The following OR1C1 variants were observed in gnomAD, a reference collection of about 807,000 sequenced individuals.
The protein encoded by OR1C1 is olfactory receptor 1C1.
For synonymous variants in OR1C1, 153 were observed against 154.6 expected (o/e 0.99, Z 0.08); for missense variants, 407 against 384.3 (o/e 1.06, Z -0.49).
chr1:247,758,161 T>C lies in OR1C1; in HGVS notation c.246A>G (p.Val82=). Residue 82 remains valine, a synonymous_variant, in exon 2 of 2, where the codon GTA becomes GTG. Coordinates refer to ENST00000641256, the MANE Select transcript of OR1C1 (RefSeq NM_012353.3). Reference sequence around the variant, plus strand: ...TCTTGGTGCCAGTCAAGATATTCACTACCATTTGGGGGACTGTAGTCGACG... The same window carrying C: ...TCTTGGTGCCAGTCAAGATATTCACCACCATTTGGGGGACTGTAGTCGACG... ...CFTSTTVPQM[V]VNILTGTKTI... is the part of the protein sequence containing the mutation. 1 of 1,614,122 alleles carries C rather than the reference T, an allele frequency of 6.2e-7. No homozygotes were observed.
chr1:247,758,630 C>G (rs1299429008), intron 1 of OR1C1: 2 of 454,932 alleles, frequency 4.4e-6, no homozygotes, highest in Non-Finnish European at 7.8e-6. Flanking sequence ...CTGGACATGT[C>G]AGTATCAACT....
At chr1:247,758,727 C>CA (rs1277967395) in intron 1 of OR1C1, 1 of 227,752 alleles carries the variant, frequency 4.4e-6, no homozygotes, top group Non-Finnish European at 8.7e-6. Context: ...GCCTTGCCTA[C>CA]AGTAACCACA....
rs1661263800 is a variant in OR1C1, at chr1:247,758,270, A to G, written c.137T>C (p.Ile46Thr). The G allele has an allele frequency of 1.2e-6, 2 of 1,614,056 alleles. No individual in the cohort carries two copies. The highest frequency in any genetic ancestry group is 1.7e-6 in the Non-Finnish European group (2 of 1,179,990). Residue 46 changes from isoleucine (I) to threonine (T), a missense_variant, in exon 2 of 2, where the codon ATT (isoleucine) becomes ACT (threonine). Ile to Thr is a moderately conservative substitution (Grantham distance 89, BLOSUM62 -1). Coordinates refer to ENST00000641256, the MANE Select transcript of OR1C1 (RefSeq NM_012353.3). ...GTGAGAGTCAAAGCCAATCGTCGCA[A>G]TGATGAGCATGTTCCCCAAGGTGGT... ...LATTLGNMLIIATIGFDSHLH... is the reference protein window; with the variant it reads ...LATTLGNMLITATIGFDSHLH...
rs1661256071 is a variant in OR1C1 at position 247,758,055 on chromosome 1, TCA to T, written c.350_351del (p.Val117AspfsTer4). Reference protein sequence around the residue: ...FVNMDSLLLCVMAYDRYVAIC... With the variant: ...FVNMDSLLLCXMAYDRYVAIC... ...ATCGCCACATATCTATCATACGCCA[TCA>T]CACACAGAAGGAGGCTGTCCATATT... On this transcript the variant is annotated frameshift_variant, in exon 2 of 2. Coordinates refer to ENST00000641256, the MANE Select transcript of OR1C1 (RefSeq NM_012353.3). LOFTEE classifies it low-confidence loss of function (END_TRUNC). 6.2e-7 allele frequency: 1 copy of T among 1,613,886 alleles called. No homozygotes were observed. The highest frequency in any genetic ancestry group is 1.7e-5 in the Admixed American group (1 of 59,966).
chr1:247,760,385 C>T (rs1661309989), intron 1 of OR1C1, 27 bp downstream of exon 1: 1 of 152,012 alleles, frequency 6.6e-6, no homozygotes, highest in Admixed American at 6.5e-5. Context: ...TTCACTAAAA[C>T]AAAGAAAAAA....
rs557312492 is a variant in OR1C1 at position 247,757,351 on chromosome 1, A to G, written c.*111T>C. The stretch of plus-strand genomic sequence containing the variant: ...TAAAGTGCTTAACACGATTTCCAGC[A>G]TAAGGGAGACATTTAATAGCAGTTG... On this transcript the variant is annotated 3_prime_UTR_variant, in exon 2 of 2. Coordinates refer to ENST00000641256, the MANE Select transcript of OR1C1 (RefSeq NM_012353.3). The G allele has an allele frequency of 5.2e-6, 4 of 775,246 alleles. No homozygotes were observed. The highest frequency in any genetic ancestry group is 3.4e-5 in the African/African-American group (2 of 58,154). The allele number at this position is 775,246 out of a possible 1,614,324, so 48.0% of individuals were successfully genotyped here.
chr1:247,759,957 T>A (rs1661299882), intron 1 of OR1C1, among the ~76,000 whole-genome samples: 1 of 152,234 alleles, frequency 6.6e-6, no homozygotes, highest in Non-Finnish European at 1.5e-5. Flanking sequence ...ATCATTTTTA[T>A]TAATCTCATA....
intron 1 of OR1C1, among the ~76,000 whole-genome samples, chr1:247,759,965 A>G (rs1018848496): frequency 6.6e-6 from 1 of 152,172 alleles, no homozygotes. Context: ...TATTAATCTC[A>G]TACTCACTAT....
At position 247,755,810 on chromosome 1, in the gene OR1C1, A is replaced by C. The variant is rs765765838; in HGVS notation, c.*1652T>G. ...ATCCAGCAATCACTATTGGGTATAC[A>C]TCCAAGAGAAATGAAATCAGTATGT... On this transcript the variant is annotated 3_prime_UTR_variant, in exon 2 of 2. Coordinates refer to ENST00000641256, the MANE Select transcript of OR1C1 (RefSeq NM_012353.3). 1.3e-5 allele frequency: 2 copies of C among 152,226 alleles called. No individual in the cohort carries two copies. The highest frequency in any genetic ancestry group is 2.9e-5 in the Non-Finnish European group (2 of 68,028). 9.4% of individuals were successfully genotyped at this position (152,226 alleles called of 1,614,324 possible). A position where few individuals can be genotyped will look rare whatever the true frequency, so the allele number is the denominator to read the frequency against.
In OR1C1 at chr1:247,757,646, G is replaced by A; in HGVS notation, c.761C>T (p.Thr254Ile). Reference protein sequence around the residue: ...HLSVVVLFYGTAIAVYFSPSS... With the variant: ...HLSVVVLFYGIAIAVYFSPSS... ...AGGGCTGAAATAGACGGCGATGGCT[G>A]TGCCGTAAAACAACACCACCACTGA... The change falls in exon 2 of 2, where the codon ACA becomes ATA. Residue 254 changes from threonine (T) to isoleucine (I), a missense_variant. Coordinates refer to ENST00000641256, the MANE Select transcript of OR1C1 (RefSeq NM_012353.3). 1 of 1,614,088 alleles carries A rather than the reference G, an allele frequency of 6.2e-7. No homozygotes were observed. The highest frequency in any genetic ancestry group is 8.5e-7 in the Non-Finnish European group (1 of 1,180,010).
Position 247,757,954 on chromosome 1 carries a change from A to G in OR1C1, c.453T>C (p.Val151=). The part of the protein sequence containing the change: ...CVQLVAGLWL[V]TYLHALLHTV... ...TATGCAGGAGGGCGTGGAGGTAAGT[A>G]ACAAGCCACAGTCCAGCCACTAGCT... The change falls in exon 2 of 2, where the codon GTT becomes GTC. Residue 151 remains valine (V), a synonymous_variant. Coordinates refer to ENST00000641256, the MANE Select transcript of OR1C1 (RefSeq NM_012353.3). 1.9e-6 allele frequency: 3 copies of G among 1,614,072 alleles called. No individual in the cohort carries two copies. Among genetic ancestry groups the G allele is most frequent in the African/African-American group, 2.7e-5 (2 of 75,050 alleles).
intron 1 of OR1C1, chr1:247,758,683 A>G (rs1558318384): frequency 6.1e-6 from 2 of 329,894 alleles, no homozygotes; most frequent in East Asian, 1.0e-4. Flanking sequence ...AATGCAAATT[A>G]TGTGAATAAT....
Position 247,755,072 on chromosome 1 carries a change from T to C in OR1C1, c.*2390A>G, listed in dbSNP as rs1661186429. On this transcript the variant is annotated 3_prime_UTR_variant, in exon 2 of 2. Transcript: ENST00000641256. ...GGGACACACAATATGGAATGGACCA[T>C]CTCTTCAATAAGTGGTTTTAGAACA... 6.6e-6 allele frequency: 1 copy of C among 152,158 alleles called. No individual in the cohort carries two copies. Among genetic ancestry groups the C allele is most frequent in the Non-Finnish European group, 1.5e-5 (1 of 68,010 alleles). 9.4% of individuals were successfully genotyped at this position (152,158 alleles called of 1,614,324 possible).
At chr1:247,760,232 T>A (rs1442061304) in intron 1 of OR1C1, among the ~76,000 whole-genome samples, 180 bp downstream of exon 1, 1 of 152,198 alleles carries the variant, frequency 6.6e-6, no homozygotes, top group Non-Finnish European at 1.5e-5. Context: ...TAATTCTATA[T>A]TCTCATTTGC....
Position 247,757,458 on chromosome 1 carries a change from G to T in OR1C1, c.*4C>A, listed in dbSNP as rs780462743. On this transcript the variant is annotated 3_prime_UTR_variant, in exon 2 of 2. Coordinates refer to ENST00000641256, the MANE Select transcript of OR1C1 (RefSeq NM_012353.3). ...AGTATTATTTAATTCAGTCACTGAG[G>T]TCATTATTGCTGCTGAAAGACTGTG... The T allele has an allele frequency of 1.6e-5, 26 of 1,603,200 alleles. No individual in the cohort carries two copies. Among genetic ancestry groups the T allele is most frequent in the Non-Finnish European group, 2.0e-5 (24 of 1,171,698 alleles).
At chr1:247,758,500 G>GTT in intron 1 of OR1C1, 81 bp from the exon 2 acceptor site, 3 of 692,754 alleles carry the variant, frequency 4.3e-6, no homozygotes, top group South Asian at 3.7e-5. Flanking sequence ...GTGTGTGTGT[G>GTT]TGTGTGTGTG....
At chr1:247,758,489 T>C (rs1661269942) in intron 1 of OR1C1, 70 bp from the exon 2 acceptor site, 1 of 408,808 alleles carries the variant, frequency 2.4e-6, no homozygotes, top group African/African-American at 2.4e-5. Flanking sequence ...AGAGAGACAG[T>C]GTGTGTGTGT....
At chr1:247,759,973 T>C (rs1661300231) in intron 1 of OR1C1, among the ~76,000 whole-genome samples, 1 of 152,212 alleles carries the variant, frequency 6.6e-6, no homozygotes, top group African/African-American at 2.4e-5. Context: ...TCATACTCAC[T>C]ATACAATATT....
Position 247,758,117 on chromosome 1 carries a change from C to A in OR1C1, c.290G>T (p.Cys97Phe). The A allele has an allele frequency of 1.2e-6, 2 of 1,614,060 alleles. No homozygotes were observed. Among genetic ancestry groups the A allele is most frequent in the Non-Finnish European group, 1.7e-6 (2 of 1,180,008 alleles). ...TGTKTISFAG[C>F]LTQLFFFVSF... ...AACGAAGAAGAAGAGCTGGGTGAGG[C>A]AGCCTGCAAAAGAGATAGTCTTGGT... is the stretch of plus-strand genomic sequence containing the variant. Residue 97 changes from cysteine (C) to phenylalanine (F), a missense_variant, in exon 2 of 2, where the codon TGC (cysteine) becomes TTC (phenylalanine). Physicochemically the swap from Cys to Phe is radical, Grantham distance 205. Transcript: ENST00000641256.
Sources: gnomAD v4.1 joint callset for allele counts (sites outside exome capture counted in the v4.1 genomes callset) on GRCh38, gnomAD v4.1.1 for gene constraint, MANE v1.5 for transcripts, NCBI Gene and HGNC (gene_info 2026-07-23, HGNC 2026-07-21) for gene names.